CNKSR2: variants seen among roughly 807,000 people sequenced by gnomAD.
The protein encoded by CNKSR2 is connector enhancer of kinase suppressor of Ras 2, also known as CNK homolog protein 2.
A neutral mutation model predicts 84.4 loss-of-function variants in CNKSR2; 14 were observed. That is an observed-to-expected ratio of 0.17 (90% CI 0.11 to 0.26). The LOEUF is 0.26. Ranked by LOEUF, CNKSR2 falls within the 10% of genes least tolerant of loss-of-function variation. The probability of loss-of-function intolerance (pLI) is 1.00; values close to 1 mark genes in which losing one functional copy is unlikely to be tolerated. For missense variants in CNKSR2, 485 were observed against 771.2 expected, an observed-to-expected ratio of 0.63 and a Z score of 4.40; for synonymous variants, 275 against 277.9, an observed-to-expected ratio of 0.99 and a Z score of 0.10.
intron 6 of CNKSR2, chrX:21,493,391 G>A (rs899195683): frequency 8.9e-6 from 1 of 111,760 alleles, no homozygotes; most frequent in African/African-American, 3.2e-5. Flanking sequence ...TGGGTACTTG[G>A]ACCATCTCCA....
In CNKSR2 at chrX:21,551,322, A is replaced by T. The variant is rs759492960; in HGVS notation, c.1304-10149A>T. Among the ~76,000 whole-genome samples, 9 of 112,191 alleles carry T rather than the reference A, an allele frequency of 8.0e-5. 1 individual carries two copies. Among genetic ancestry groups the T allele is most frequent in the African/African-American group, 1.9e-4 (6 of 30,880 alleles). On this transcript the variant is annotated intron_variant, in intron 11 of 21. Transcript: ENST00000379510. The stretch of plus-strand genomic sequence containing the variant: ...TGGCACGTGCATACCTATGTAACAA[A>T]CCTGTGCATTCTGCACATGTATCCC...
chrX:21,592,970 G>A (rs2092429932), intron 15 of CNKSR2: 1 of 107,865 alleles, frequency 9.3e-6, no homozygotes, highest in Admixed American at 1.0e-4. Context: ...AAAAACTGTG[G>A]CCCCTTTTTG....
chrX:21,473,369 A>ATT (rs1259664326), intron 5 of CNKSR2, among the ~76,000 whole-genome samples: 1 of 112,035 alleles, frequency 8.9e-6, no homozygotes, highest in African/African-American at 3.2e-5. Context: ...CACAAGAATA[A>ATT]TTTTTTAGAA....
At chrX:21,495,822 A>AAC (rs1231075186) in intron 6 of CNKSR2, 1 of 75,877 alleles carries the variant, frequency 1.3e-5, no homozygotes, top group Non-Finnish European at 2.7e-5. Context: ...AAAAAAAAAA[A>AAC]CACGAAAAAT....
intron 1 of CNKSR2, among the ~76,000 whole-genome samples, chrX:21,388,013 C>T (rs2089995632): frequency 9.1e-6 from 1 of 110,460 alleles, no homozygotes; most frequent in South Asian, 3.9e-4. Flanking sequence ...CATTCTTCTG[C>T]CTCAGCCTCT....
intron 18 of CNKSR2, among the ~76,000 whole-genome samples, chrX:21,601,629 G>A (rs2092483039): frequency 8.9e-6 from 1 of 111,845 alleles, no homozygotes; most frequent in Non-Finnish European, 1.9e-5. Flanking sequence ...TCTATAATAG[G>A]TCTTATGATT....
chrX:21,411,602 C>G (rs1177166625), intron 1 of CNKSR2, among the ~76,000 whole-genome samples: 1 of 110,831 alleles, frequency 9.0e-6, no homozygotes, highest in Non-Finnish European at 1.9e-5. Flanking sequence ...CTGCTGAGTC[C>G]TTGCTGTTTT....
intron 6 of CNKSR2, 139 bp from the exon 7 acceptor site, chrX:21,497,648 G>A (rs886898581): frequency 1.8e-5 from 8 of 455,419 alleles, no homozygotes; most frequent in South Asian, 9.8e-5. Flanking sequence ...TAAAGATAGC[G>A]TCTGTCTTCA....
Position 21,374,624 on chromosome X carries a change from A to AGCAGCAGCCGCAGCAGCC in CNKSR2, c.-263_-262insAGCAGCCGCAGCAGCCGC. ...CAGCAGCAGCAGCAGCAGCAGCAGC[A>AGCAGCAGCCGCAGCAGCC]GCAGCAGCCGCCGCCGCCGCCGCCT... On this transcript the variant is annotated 5_prime_UTR_variant, in exon 1 of 22. Coordinates refer to ENST00000379510, the MANE Select transcript of CNKSR2 (RefSeq NM_014927.5). 2.0e-6 allele frequency: 1 copy of AGCAGCAGCCGCAGCAGCC among 510,114 alleles called. No individual in the cohort carries two copies. The allele number at this position is 510,114 out of a possible 1,213,427, so 42.0% of individuals were successfully genotyped here.
intron 4 of CNKSR2, among the ~76,000 whole-genome samples, chrX:21,463,015 G>A (rs2091082109): frequency 1.8e-5 from 2 of 110,635 alleles, no homozygotes; most frequent in Non-Finnish European, 1.9e-5. Context: ...TCTATACCCA[G>A]TCTTTTGAGG....
intron 1 of CNKSR2, among the ~76,000 whole-genome samples, chrX:21,391,212 G>A (rs950334783): frequency 8.9e-6 from 1 of 112,668 alleles, no homozygotes; most frequent in Non-Finnish European, 1.9e-5. Context: ...TCTGGAAGAT[G>A]GTGGTCCTCT....
At chrX:21,561,379 T>G (rs2092187622) in intron 11 of CNKSR2, 92 bp from the exon 12 acceptor site, 2 of 657,819 alleles carry the variant, frequency 3.0e-6, no homozygotes, top group Admixed American at 5.0e-5. Flanking sequence ...AGAGTGAGTG[T>G]GTTTGGTAGA....
intron 20 of CNKSR2, among the ~76,000 whole-genome samples, chrX:21,630,698 TAC>T (rs201802047): frequency 5.6e-5 from 6 of 106,800 alleles, no homozygotes; most frequent in Admixed American, 1.0e-4. Flanking sequence ...ATGTATATAA[TAC>T]ACACACACAC....
intron 20 of CNKSR2, among the ~76,000 whole-genome samples, chrX:21,612,710 G>C (rs1189892694): frequency 1.8e-5 from 2 of 111,645 alleles, no homozygotes; most frequent in Non-Finnish European, 3.8e-5. Context: ...TAGTGCTTAT[G>C]AGCTTACAGA....
At chrX:21,444,588 A>C (rs1291849592) in intron 4 of CNKSR2, among the ~76,000 whole-genome samples, 1 of 110,730 alleles carries the variant, frequency 9.0e-6, no homozygotes, top group Non-Finnish European at 1.9e-5. Context: ...ACCATCTGGC[A>C]TATAGTGGGA....
At chrX:21,406,983 A>G (rs1357538335) in intron 1 of CNKSR2, among the ~76,000 whole-genome samples, 2 of 111,872 alleles carry the variant, frequency 1.8e-5, no homozygotes, top group Admixed American at 1.9e-4. Context: ...TGAAACAACC[A>G]TAAGTTGAAA....
chrX:21,449,841 C>T lies in CNKSR2; in HGVS notation c.519+9060C>T, dbSNP rs1399187. Among the ~76,000 whole-genome samples, 1,077 of 111,986 alleles carry T rather than the reference C, an allele frequency of 9.6e-3. 14 individuals are homozygous for T. The highest frequency in any genetic ancestry group is 0.032 in the African/African-American group (986 of 30,826). ...ACCTAACACATCTACTCACAATTCA[C>T]TGGTCAAAACAAGTCATATAGCCAT... is the stretch of plus-strand genomic sequence containing the variant. On this transcript the variant is annotated intron_variant, in intron 4 of 21. Coordinates refer to ENST00000379510, the MANE Select transcript of CNKSR2 (RefSeq NM_014927.5).
In CNKSR2 at chrX:21,473,772, A is replaced by T. The variant is rs1404356340; in HGVS notation, c.561+2965A>T. ...TTTTTTTTTTTTTTTTTTGAGACAG[A>T]GTCTCGCTCTGTCACCCAGGCTGGA... On this transcript the variant is annotated intron_variant, in intron 5 of 21. Coordinates refer to ENST00000379510, the MANE Select transcript of CNKSR2 (RefSeq NM_014927.5). Among the ~76,000 whole-genome samples the T allele has an allele frequency of 1.2e-4, 8 of 69,342 alleles. No homozygotes were observed. The African/African-American group carries it at 1.3e-3, about 11-fold the overall frequency. 60.2% of individuals were successfully genotyped at this position (69,342 alleles called of 115,157 possible). A position where few individuals can be genotyped will look rare whatever the true frequency, so the allele number is the denominator to read the frequency against.
At chrX:21,391,087 G>A (rs1569141562) in intron 1 of CNKSR2, among the ~76,000 whole-genome samples, 2 of 112,739 alleles carry the variant, frequency 1.8e-5, no homozygotes, top group East Asian at 2.8e-4. Context: ...GGCAGCTCTG[G>A]CCCTGTGTCT....
Sources: gnomAD v4.1 joint callset for allele counts (sites outside exome capture counted in the v4.1 genomes callset) on GRCh38, gnomAD v4.1.1 for gene constraint, MANE v1.5 for transcripts, NCBI Gene and HGNC (gene_info 2026-07-23, HGNC 2026-07-21) for gene names.